The following IGFL2 variants were observed in gnomAD, a reference collection of about 807,000 sequenced individuals.
The protein encoded by IGFL2 is insulin growth factor-like family member 2.
Under a neutral mutation model 13.9 loss-of-function variants are expected in IGFL2, and 7 were observed. The observed-to-expected ratio is 0.51, with a 90% confidence interval of 0.29 to 0.95. The LOEUF (loss-of-function observed/expected upper bound fraction) is 0.95, where lower values mean the gene tolerates loss of function less well. Ranked by LOEUF, IGFL2 falls within the 40% of genes least tolerant of loss-of-function variation. IGFL2 has a pLI of 0.08. For synonymous variants in IGFL2, 55 were observed against 55.8 expected, an observed-to-expected ratio of 0.99 and a Z score of 0.07; for missense variants, 138 against 147.8, an observed-to-expected ratio of 0.93 and a Z score of 0.34.
At chr19:46,208,719 T>C in the IGFL2 span, 1 of 152,098 alleles carries the variant, frequency 6.6e-6, no homozygotes, top group Non-Finnish European at 1.5e-5. Context: ...TGTGTAGAAG[T>C]TCCCGGCTCG....
At chr19:46,101,416 G>T in the IGFL2 span, among the ~76,000 whole-genome samples, 1 of 152,232 alleles carries the variant, frequency 6.6e-6, no homozygotes, top group South Asian at 2.1e-4. Context: ...TAAGGCCCTG[G>T]CTGGGGTAGC....
chr19:46,116,113 G>A, the IGFL2 span, among the ~76,000 whole-genome samples: 9 of 151,878 alleles, frequency 5.9e-5, no homozygotes, highest in Non-Finnish European at 1.0e-4. Flanking sequence ...TAAGTTCTAG[G>A]GTACATGTGC....
At chr19:46,152,778 C>T (rs575884666) in intron 1 of IGFL2, among the ~76,000 whole-genome samples, 1 of 152,286 alleles carries the variant, frequency 6.6e-6, no homozygotes, top group African/African-American at 2.4e-5. Context: ...TTCAATCTTT[C>T]ACAATTAAGT....
the IGFL2 span, among the ~76,000 whole-genome samples, chr19:46,106,598 T>G: frequency 6.6e-6 from 1 of 151,974 alleles, no homozygotes; most frequent in Non-Finnish European, 1.5e-5. Context: ...AGTATATGGG[T>G]TTGGCACTAT....
At chr19:46,093,498 A>G in the IGFL2 span, among the ~76,000 whole-genome samples, 2 of 152,182 alleles carry the variant, frequency 1.3e-5, no homozygotes, top group Admixed American at 1.3e-4. Flanking sequence ...GGAACAAGGC[A>G]AGGGAGTCTA....
At chr19:46,208,238 T>C in the IGFL2 span, 1 of 152,230 alleles carries the variant, frequency 6.6e-6, no homozygotes, top group Non-Finnish European at 1.5e-5. Flanking sequence ...GTGCTTTCTG[T>C]CTTGGCAGCA....
intron 1 of IGFL2, among the ~76,000 whole-genome samples, chr19:46,154,474 C>T (rs1176007871): frequency 6.6e-5 from 10 of 152,120 alleles, no homozygotes; most frequent in Non-Finnish European, 1.2e-4. Context: ...GACGGAGTCT[C>T]GCTCTGTCGC....
the IGFL2 span, among the ~76,000 whole-genome samples, chr19:46,185,370 A>G: frequency 6.6e-6 from 1 of 152,168 alleles, no homozygotes; most frequent in Admixed American, 6.5e-5. Context: ...GGGAAGGGCC[A>G]CTGTGGGTGC....
At chr19:46,090,287 T>C in the IGFL2 span, among the ~76,000 whole-genome samples, 18 of 152,224 alleles carry the variant, frequency 1.2e-4, no homozygotes, top group Non-Finnish European at 2.2e-4. Flanking sequence ...CTCTGTATTT[T>C]CTTTAAGTTT....
chr19:46,170,619 A>G, the IGFL2 span, among the ~76,000 whole-genome samples: 3 of 152,190 alleles, frequency 2.0e-5, no homozygotes, highest in African/African-American at 7.2e-5. Context: ...TAAGAGAAAT[A>G]TTGCTGAATT....
chr19:46,120,417 C>T, the IGFL2 span: 36 of 1,604,948 alleles, frequency 2.2e-5, 1 homozygote, highest in Non-Finnish European at 3.0e-5. Flanking sequence ...AAAAAATTAT[C>T]CCCTACAAAA....
chr19:46,107,187 G>T, the IGFL2 span, among the ~76,000 whole-genome samples: 1 of 152,154 alleles, frequency 6.6e-6, no homozygotes, highest in African/African-American at 2.4e-5. Flanking sequence ...TGAAAAGAAG[G>T]TAATGTGGAG....
the IGFL2 span, among the ~76,000 whole-genome samples, chr19:46,095,817 G>C: frequency 6.6e-6 from 1 of 152,068 alleles, no homozygotes; most frequent in African/African-American, 2.4e-5. Context: ...TCTGTGTCAG[G>C]TTTGTCAAAG....
the IGFL2 span, among the ~76,000 whole-genome samples, chr19:46,108,626 C>T: frequency 2.0e-5 from 3 of 151,580 alleles, no homozygotes; most frequent in East Asian, 2.0e-4. Flanking sequence ...TGGTACTTGC[C>T]ACCCAGGGGA....
the IGFL2 span, among the ~76,000 whole-genome samples, chr19:46,079,108 A>G: frequency 6.7e-6 from 1 of 148,580 alleles, no homozygotes; most frequent in Non-Finnish European, 1.5e-5. Context: ...AGGCGTCGTC[A>G]GTAGACATCG....
At chr19:46,149,862 G>A (rs1973378040) in intron 1 of IGFL2, among the ~76,000 whole-genome samples, 1 of 152,138 alleles carries the variant, frequency 6.6e-6, no homozygotes. Context: ...ATTTGCTTGA[G>A]AACCTGTTTT....
the IGFL2 span, chr19:46,203,360 G>C: frequency 1.3e-5 from 2 of 152,994 alleles, no homozygotes; most frequent in Non-Finnish European, 2.9e-5. Flanking sequence ...GGTTATGATG[G>C]CTTAGCTTGG....
chr19:46,177,263 G>A, the IGFL2 span, among the ~76,000 whole-genome samples: 1 of 151,980 alleles, frequency 6.6e-6, no homozygotes, highest in Non-Finnish European at 1.5e-5. Flanking sequence ...TGTGGTGGTG[G>A]GCACCTATAA....
At chr19:46,134,354 A>G in the IGFL2 span, among the ~76,000 whole-genome samples, 1 of 152,156 alleles carries the variant, frequency 6.6e-6, no homozygotes, top group African/African-American at 2.4e-5. Flanking sequence ...TCCATGGACA[A>G]AGGAGGAGGG....
Sources: gnomAD v4.1 joint callset for allele counts (sites outside exome capture counted in the v4.1 genomes callset) on GRCh38, gnomAD v4.1.1 for gene constraint, MANE v1.5 for transcripts, NCBI Gene and HGNC (gene_info 2026-07-23, HGNC 2026-07-21) for gene names.